Variants in CDH20 observed in about 807,000 individuals in gnomAD.
The protein encoded by CDH20 is cadherin 20.
A neutral mutation model predicts 74.2 loss-of-function variants in CDH20; 29 were observed. The observed-to-expected ratio is 0.39, with a 90% confidence interval of 0.29 to 0.53. CDH20 has a LOEUF of 0.53. Among genes scored for constraint, CDH20 ranks in the 20% least tolerant of loss-of-function variants. The pLI is 0.69. For missense variants in CDH20, 988 were observed against 1,048.3 expected (o/e 0.94, Z 0.79); for synonymous variants, 469 against 405.4 (o/e 1.16, Z -1.88).
chr18:61,372,506 A>AC (rs1388266538), intron 1 of CDH20, among the ~76,000 whole-genome samples: 1 of 152,060 alleles, frequency 6.6e-6, no homozygotes, highest in African/African-American at 2.4e-5. Context: ...AGCAATATCT[A>AC]CCCCAGTAAG....
At chr18:61,545,248 C>A (rs949271619) in intron 10 of CDH20, 104 bp downstream of exon 10, 3 of 767,034 alleles carry the variant, frequency 3.9e-6, no homozygotes, top group Non-Finnish European at 7.1e-6. Flanking sequence ...CTGTTCCATA[C>A]CAGCAGGGAG....
intron 8 of CDH20, 75 bp from the exon 9 acceptor site, chr18:61,538,949 G>C: frequency 6.6e-7 from 1 of 1,518,946 alleles, no homozygotes; most frequent in Non-Finnish European, 8.9e-7. Flanking sequence ...CCGACTTCTA[G>C]CAAAAACCAT....
intron 11 of CDH20, among the ~76,000 whole-genome samples, chr18:61,553,613 T>C (rs1386397396): frequency 6.6e-6 from 1 of 152,220 alleles, no homozygotes; most frequent in Admixed American, 6.5e-5. Flanking sequence ...GGATCACTTA[T>C]GTTCTGTTGT....
chr18:61,414,095 T>C (rs531850731), intron 1 of CDH20, among the ~76,000 whole-genome samples: 2 of 152,270 alleles, frequency 1.3e-5, no homozygotes, highest in South Asian at 2.1e-4. Context: ...ATGAGTCTTC[T>C]TGTAGACTGC....
chr18:61,347,601 C>T (rs1043444529), intron 1 of CDH20, among the ~76,000 whole-genome samples: 12 of 151,716 alleles, frequency 7.9e-5, no homozygotes, highest in East Asian at 3.9e-4. Context: ...CTTTGTTAAA[C>T]GTTTCTCTGG....
chr18:61,373,542 C>T (rs1911112851), intron 1 of CDH20, among the ~76,000 whole-genome samples: 1 of 152,136 alleles, frequency 6.6e-6, no homozygotes, highest in Non-Finnish European at 1.5e-5. Flanking sequence ...ACTATCTTCT[C>T]CAGCGCTCCT....
intron 4 of CDH20, among the ~76,000 whole-genome samples, chr18:61,501,258 C>T (rs923198410): frequency 1.3e-5 from 2 of 148,776 alleles, no homozygotes; most frequent in Non-Finnish European, 3.0e-5. Context: ...TCTGTCTTAC[C>T]CGAGAGCTTT....
intron 1 of CDH20, among the ~76,000 whole-genome samples, chr18:61,446,485 T>C (rs906013329): frequency 2.0e-5 from 3 of 152,202 alleles, no homozygotes; most frequent in Admixed American, 1.3e-4. Context: ...CAGTTTGGGT[T>C]CCATGGTCAG....
intron 1 of CDH20, among the ~76,000 whole-genome samples, chr18:61,346,861 A>G (rs1286841957): frequency 6.6e-6 from 1 of 152,106 alleles, no homozygotes; most frequent in African/African-American, 2.4e-5. Flanking sequence ...AGTGAAGTCC[A>G]GGCGCCCAAG....
Position 61,500,399 on chromosome 18 carries a change from A to G in CDH20, c.558A>G (p.Gln186=). ...EMSPVGTSVI[Q]VTATDADDPT... The stretch of plus-strand genomic sequence containing the variant: ...CTTCCCCAGGTACCTCCGTCATCCA[A>G]GTGACAGCCACAGATGCAGATGACC... Residue 186 remains glutamine, a synonymous_variant, in exon 4 of 12, where the codon CAA becomes CAG. Coordinates refer to ENST00000262717, the MANE Select transcript of CDH20 (RefSeq NM_031891.4). 6.2e-7 allele frequency: 1 copy of G among 1,612,434 alleles called. No homozygotes were observed. Among genetic ancestry groups the G allele is most frequent in the Non-Finnish European group, 8.5e-7 (1 of 1,178,932 alleles).
chr18:61,344,752 G>A (rs1910061491), intron 1 of CDH20, among the ~76,000 whole-genome samples: 1 of 152,114 alleles, frequency 6.6e-6, no homozygotes, highest in Admixed American at 6.5e-5. Context: ...CTATAAATTA[G>A]GGAATTAGAA....
chr18:61,432,428 CT>C (rs1485246434), intron 1 of CDH20, among the ~76,000 whole-genome samples: 1 of 151,998 alleles, frequency 6.6e-6, no homozygotes, highest in East Asian at 1.9e-4. Flanking sequence ...AAACAGGGTA[CT>C]TTTTTTGGTA....
At chr18:61,538,578 C>CTTTGTTTTTT (rs1555684264) in intron 8 of CDH20, among the ~76,000 whole-genome samples, 4 of 34,994 alleles carry the variant, frequency 1.1e-4, no homozygotes, top group Admixed American at 4.8e-4. Context: ...TAAATAACTA[C>CTTTGTTTTTT]TTTTTGTTTG....
At chr18:61,469,143 T>C (rs541006185) in intron 1 of CDH20, among the ~76,000 whole-genome samples, 1 of 152,310 alleles carries the variant, frequency 6.6e-6, no homozygotes, top group African/African-American at 2.4e-5. Flanking sequence ...AATTCAATTT[T>C]CAAAAGGAAA....
intron 1 of CDH20, among the ~76,000 whole-genome samples, chr18:61,487,033 C>T (rs944147334): frequency 2.6e-5 from 4 of 152,186 alleles, no homozygotes; most frequent in Non-Finnish European, 5.9e-5. Flanking sequence ...TTATGTACAA[C>T]TTTAATTTCT....
rs114394458 is a variant in CDH20 at position 61,453,650 on chromosome 18, T to G, written c.-152-36752T>G. 2.6e-5 allele frequency among the ~76,000 whole-genome samples: 4 copies of G among 152,350 alleles called. No individual in the cohort carries two copies. In the Middle Eastern group the frequency reaches 0.01, roughly 389 times the overall value. On this transcript the variant is annotated intron_variant, in intron 1 of 11. Coordinates refer to ENST00000262717, the MANE Select transcript of CDH20 (RefSeq NM_031891.4). ...GGCATTGCGTGTATCAATGACTTCC[T>G]TTATTGCTGAGTATTTTCTACTTTG... is the stretch of plus-strand genomic sequence containing the variant.
chr18:61,487,528 C>T (rs1011277172), intron 1 of CDH20, among the ~76,000 whole-genome samples: 3 of 152,108 alleles, frequency 2.0e-5, no homozygotes, highest in Admixed American at 6.6e-5. Flanking sequence ...AGAGTTGGTA[C>T]GACATTGCGG....
At chr18:61,431,790 A>G (rs1913265009) in intron 1 of CDH20, among the ~76,000 whole-genome samples, 2 of 152,112 alleles carry the variant, frequency 1.3e-5, no homozygotes, top group African/African-American at 4.8e-5. Flanking sequence ...TGCTTTTTGT[A>G]TCTACATCCT....
chr18:61,363,317 T>C (rs1910760214), intron 1 of CDH20, among the ~76,000 whole-genome samples: 1 of 152,038 alleles, frequency 6.6e-6, no homozygotes, highest in African/African-American at 2.4e-5. Context: ...GATCTCTTTA[T>C]TGAGCTGTGT....
Sources: gnomAD v4.1 joint callset for allele counts (sites outside exome capture counted in the v4.1 genomes callset) on GRCh38, gnomAD v4.1.1 for gene constraint, MANE v1.5 for transcripts, NCBI Gene and HGNC (gene_info 2026-07-23, HGNC 2026-07-21) for gene names.